PXN: variants seen among roughly 807,000 people sequenced by gnomAD.
PXN encodes the protein testicular tissue protein Li 134.
PXN carries 61 observed loss-of-function variants against 103.6 expected under a neutral mutation model. The ratio of observed to expected loss-of-function variants is 0.59; its 90% CI spans 0.48 to 0.73. The LOEUF (loss-of-function observed/expected upper bound fraction) is 0.73. Ranked by LOEUF, PXN falls within the 30% of genes least tolerant of loss-of-function variation. The pLI is 0.00. For missense variants in PXN, 1,274 were observed against 1,460.3 expected, an observed-to-expected ratio of 0.87 and a Z score of 2.08; for synonymous variants, 562 against 607.8, an observed-to-expected ratio of 0.92 and a Z score of 1.11.
At chr12:120,226,087 A>G in intron 1 of PXN, 1 of 1,121,958 alleles carries the variant, frequency 8.9e-7, no homozygotes, top group Non-Finnish European at 1.1e-6. Context: ...GTTGGTAGGT[A>G]TCTAGGTAAC....
At position 120,221,094 on chromosome 12, in the gene PXN, T is replaced by C. The variant is rs544920702; in HGVS notation, c.831+529A>G. Among the ~76,000 whole-genome samples the C allele has an allele frequency of 2.0e-5, 3 of 152,156 alleles. No individual in the cohort carries two copies. The South Asian group carries it at 6.2e-4, about 32-fold the overall frequency. On this transcript the variant is annotated intron_variant, in intron 6 of 14. Coordinates refer to ENST00000637617, the MANE Select transcript of PXN (RefSeq NM_001385981.1). The surrounding 1 kb of genome is among the most constrained non-coding windows in gnomAD (Gnocchi z 6.6). The stretch of plus-strand genomic sequence containing the variant: ...CACGCTCGTGGGAACTCAGAGGCCC[T>C]GGAGGGCGAGAGGGAAGGATGGGAG...
chr12:120,258,417 T>C (rs944096012), intron 1 of PXN, among the ~76,000 whole-genome samples: 5 of 152,106 alleles, frequency 3.3e-5, no homozygotes, highest in African/African-American at 7.2e-5. Flanking sequence ...TCCCAGATGA[T>C]AGTCAGCAGT....
intron 1 of PXN, among the ~76,000 whole-genome samples, chr12:120,256,741 G>A (rs958944547): frequency 6.6e-6 from 1 of 151,886 alleles, no homozygotes; most frequent in Non-Finnish European, 1.5e-5. Context: ...TTTTTGAGAC[G>A]GAATCTCGCT....
Position 120,211,992 on chromosome 12 carries a change from C to T in PXN, c.*322G>A, listed in dbSNP as rs1192252880. 9 of 609,462 alleles carry T rather than the reference C, an allele frequency of 1.5e-5. No homozygotes were observed. The highest frequency in any genetic ancestry group is 2.2e-5 in the Non-Finnish European group (7 of 318,926). 37.8% of individuals were successfully genotyped at this position (609,462 alleles called of 1,614,324 possible). ...CTGCTGAAATATGAGGAAGAGATGG[C>T]TCCAGTGTGGGGTGCTGGCCAGGCC... On this transcript the variant is annotated 3_prime_UTR_variant, in exon 15 of 15. Transcript: ENST00000637617.
chr12:120,225,035 CG>C lies in PXN; in HGVS notation c.14-659del, dbSNP rs1886463659. ...AAGACTGCTCCATTGGCTGTTTCTGCGGAAGTCTGGCAAGCAGCCCGGCCCC... is the reference window on the plus strand; with the variant it reads ...AAGACTGCTCCATTGGCTGTTTCTGCGAAGTCTGGCAAGCAGCCCGGCCCC... On this transcript the variant is annotated intron_variant, in intron 1 of 14. Coordinates refer to ENST00000637617, the MANE Select transcript of PXN (RefSeq NM_001385981.1). This position sits in a 1 kb window ranked among gnomAD's most constrained non-coding sequence, Gnocchi z 4.4. The C allele has an allele frequency of 1.6e-5, 4 of 256,546 alleles. No individual in the cohort carries two copies. 15.9% of individuals were successfully genotyped at this position (256,546 alleles called of 1,614,324 possible).
chr12:120,244,927 G>A (rs1890804056), intron 1 of PXN, among the ~76,000 whole-genome samples: 1 of 152,044 alleles, frequency 6.6e-6, no homozygotes, highest in Admixed American at 6.6e-5. Context: ...CCCCTTGTGG[G>A]TACTTAAGGT....
In PXN at chr12:120,215,343, G is replaced by C; in HGVS notation, c.2404-70C>G. On this transcript the variant is annotated intron_variant, in intron 10 of 14. Coordinates refer to ENST00000637617, the MANE Select transcript of PXN (RefSeq NM_001385981.1). The surrounding 1 kb of genome is among the most constrained non-coding windows in gnomAD (Gnocchi z 4.9). ...TACGGTGTCTGGCAGCACAGGGATG[G>C]GGGTACTTTTCTCCCTCCTGGACAG... 1 of 1,526,452 alleles carries C rather than the reference G, an allele frequency of 6.6e-7. No homozygotes were observed. 94.6% of individuals were successfully genotyped at this position (1,526,452 alleles called of 1,614,324 possible).
intron 1 of PXN, among the ~76,000 whole-genome samples, chr12:120,262,974 A>G (rs531432475): frequency 1.7e-4 from 26 of 152,326 alleles, no homozygotes; most frequent in Middle Eastern, 3.4e-3. Flanking sequence ...TGAGTCTGTC[A>G]TTGGCAACTA....
chr12:120,261,014 AACTTG>A (rs1893800456), intron 1 of PXN, among the ~76,000 whole-genome samples: 1 of 152,184 alleles, frequency 6.6e-6, no homozygotes, highest in Non-Finnish European at 1.5e-5. Context: ...CTAGTTGTAG[AACTTG>A]GGCAAGTGGG....
chr12:120,250,509 G>A (rs1171682578), intron 1 of PXN, among the ~76,000 whole-genome samples: 1 of 152,312 alleles, frequency 6.6e-6, no homozygotes, highest in South Asian at 2.1e-4. Flanking sequence ...GCCCAGGGCT[G>A]ATCTGGGAGT....
At position 120,216,144 on chromosome 12, in the gene PXN, C is replaced by T; in HGVS notation, c.2301+129G>A. 2.4e-6 allele frequency: 3 copies of T among 1,273,318 alleles called. No homozygotes were observed. Among genetic ancestry groups the T allele is most frequent in the Non-Finnish European group, 3.0e-6 (3 of 1,012,120 alleles). 78.9% of individuals were successfully genotyped at this position (1,273,318 alleles called of 1,614,324 possible). A position where few individuals can be genotyped will look rare whatever the true frequency, so the allele number is the denominator to read the frequency against. On this transcript the variant is annotated intron_variant, in intron 9 of 14. Transcript: ENST00000637617. This position sits in a 1 kb window ranked among gnomAD's most constrained non-coding sequence, Gnocchi z 5.1. ...TTACGGCAGGACTGTGGTTACTGTG[C>T]TGGGGCTTGTAGATGGAGGGATGGA...
intron 1 of PXN, among the ~76,000 whole-genome samples, chr12:120,245,185 G>C (rs1341040459): frequency 6.6e-6 from 1 of 152,124 alleles, no homozygotes; most frequent in East Asian, 1.9e-4. Context: ...GAGCAGAGGA[G>C]GCAGGGGACA....
At position 120,219,843 on chromosome 12, in the gene PXN, G is replaced by A; in HGVS notation, c.1080C>T (p.Thr360=). The A allele has an allele frequency of 1.3e-6, 2 of 1,598,436 alleles. No individual in the cohort carries two copies. Among genetic ancestry groups the A allele is most frequent in the Non-Finnish European group, 1.7e-6 (2 of 1,179,814 alleles). ...DLAGLGVMPD[T]FNSRSPSVEG... ...CCACAGAGGGAGACCTTGAGTTGAA[G>A]GTGTCAGGCATCACCCCAAGACCAG... The change falls in exon 7 of 15, where the codon ACC becomes ACT. Residue 360 remains threonine, a synonymous_variant. Transcript: ENST00000637617. This position sits in a 1 kb window ranked among gnomAD's most constrained non-coding sequence, Gnocchi z 6.5.
intron 1 of PXN, among the ~76,000 whole-genome samples, chr12:120,246,867 A>G (rs559963468): frequency 3.9e-4 from 59 of 151,846 alleles, no homozygotes; most frequent in African/African-American, 1.2e-3. Flanking sequence ...AAAAAAAAAA[A>G]AAAAGAAAAA....
Position 120,215,409 on chromosome 12 carries a change from C to A in PXN, c.2404-136G>T. ...CAAGAAGTACAACCTCCTCCAGGGGCCAGGAGCCCTAAAGTGGGAGTGACG... is the reference window on the plus strand; with the variant it reads ...CAAGAAGTACAACCTCCTCCAGGGGACAGGAGCCCTAAAGTGGGAGTGACG... On this transcript the variant is annotated intron_variant, in intron 10 of 14. Coordinates refer to ENST00000637617, the MANE Select transcript of PXN (RefSeq NM_001385981.1). This position sits in a 1 kb window ranked among gnomAD's most constrained non-coding sequence, Gnocchi z 4.9. 1 of 1,451,294 alleles carries A rather than the reference C, an allele frequency of 6.9e-7. No individual in the cohort carries two copies. The highest frequency in any genetic ancestry group is 1.4e-5 in the South Asian group (1 of 71,626). The allele number at this position is 1,451,294 out of a possible 1,614,324, so 89.9% of individuals were successfully genotyped here. A position where few individuals can be genotyped will look rare whatever the true frequency, so the allele number is the denominator to read the frequency against.
chr12:120,215,012 G>A lies in PXN; in HGVS notation c.2575-14C>T, dbSNP rs373620976. ...GGCGGTCACAACCTGAGGAGGAGAT[G>A]GAATGCGGTCCAGGGCCAAGGCCAG... is the stretch of plus-strand genomic sequence containing the variant. On this transcript the variant is annotated splice_polypyrimidine_tract_variant and intron_variant, in intron 11 of 14. Transcript: ENST00000637617. This position sits in a 1 kb window ranked among gnomAD's most constrained non-coding sequence, Gnocchi z 4.9. 1.2e-6 allele frequency: 2 copies of A among 1,611,610 alleles called. No homozygotes were observed. The highest frequency in any genetic ancestry group is 1.1e-5 in the South Asian group (1 of 90,694).
chr12:120,248,491 TTCACACACAC>T (rs1482973980), intron 1 of PXN, among the ~76,000 whole-genome samples: 2 of 75,886 alleles, frequency 2.6e-5, no homozygotes, highest in East Asian at 9.2e-4. Context: ...ACAGATGACT[TTCACACACAC>T]ACACACACAC....
chr12:120,231,243 T>C (rs1887985948), intron 1 of PXN, among the ~76,000 whole-genome samples: 1 of 152,212 alleles, frequency 6.6e-6, no homozygotes, highest in Admixed American at 6.5e-5. Context: ...AATACAATTA[T>C]GGGTGAGATT....
At position 120,211,756 on chromosome 12, in the gene PXN, A is replaced by AG. The variant is rs1880229944; in HGVS notation, c.*557dup. 1 of 369,144 alleles carries AG rather than the reference A, an allele frequency of 2.7e-6. No homozygotes were observed. 22.9% of individuals were successfully genotyped at this position (369,144 alleles called of 1,614,324 possible). A position where few individuals can be genotyped will look rare whatever the true frequency, so the allele number is the denominator to read the frequency against. On this transcript the variant is annotated 3_prime_UTR_variant, in exon 15 of 15. Transcript: ENST00000637617. ...AAAGGCAGGGGCAGTCGCCAGGCCT[A>AG]GGGCACTGGAAGGGTAGGAGGAGCA...
Sources: gnomAD v4.1 joint callset for allele counts (sites outside exome capture counted in the v4.1 genomes callset) on GRCh38, gnomAD v4.1.1 for gene constraint, Gnocchi (gnomAD v3.1) non-coding constraint, MANE v1.5 for transcripts, NCBI Gene and HGNC (gene_info 2026-07-23, HGNC 2026-07-21) for gene names.